Variants in ABLIM1 observed in about 807,000 individuals in gnomAD.
ABLIM1 encodes actin-binding LIM protein 1.
ABLIM1 carries 40 observed loss-of-function variants against 107.0 expected under a neutral mutation model. That is an observed-to-expected ratio of 0.37 (90% CI 0.29 to 0.49). The LOEUF (loss-of-function observed/expected upper bound fraction) is 0.49. ABLIM1 is among the 20% of genes least tolerant of loss of function. ABLIM1 has a pLI of 0.97. For synonymous variants in ABLIM1, 357 were observed against 357.3 expected (o/e 1.00, Z 0.01); for missense variants, 857 against 1,008.5 (o/e 0.85, Z 2.04).
chr10:114,498,585 T>C (rs1014269476), intron 6 of ABLIM1, among the ~76,000 whole-genome samples: 1 of 152,222 alleles, frequency 6.6e-6, no homozygotes, highest in African/African-American at 2.4e-5. Context: ...AGTGCTCTAC[T>C]TGTGGCATGA....
rs947604768 is a variant in ABLIM1 at position 114,549,146 on chromosome 10, A to G, written c.674-1370T>C. On this transcript the variant is annotated intron_variant, in intron 4 of 22. Transcript: ENST00000533213. Reference sequence around the variant, plus strand: ...ACACCTGTAATCCCAGAACTTTGGGAGGCCGAGGCGGATGGATCACCTGAG... The same window carrying G: ...ACACCTGTAATCCCAGAACTTTGGGGGGCCGAGGCGGATGGATCACCTGAG... Among the ~76,000 whole-genome samples the G allele has an allele frequency of 3.1e-4, 47 of 152,184 alleles. 1 individual carries two copies. The highest frequency in any genetic ancestry group is 1.1e-3 in the African/African-American group (46 of 41,452).
At chr10:114,485,187 T>C in intron 8 of ABLIM1, 1 of 755,246 alleles carries the variant, frequency 1.3e-6, no homozygotes, top group Non-Finnish European at 2.0e-6. Context: ...AAGCATCTGC[T>C]TTCTGCAGGA....
intron 1 of ABLIM1, among the ~76,000 whole-genome samples, chr10:114,653,506 T>C (rs1382548807): frequency 1.1e-4 from 17 of 152,168 alleles, no homozygotes; most frequent in Admixed American, 1.1e-3. Context: ...TTCTCACCAC[T>C]GCACTCCAGC....
intron 1 of ABLIM1, among the ~76,000 whole-genome samples, chr10:114,749,926 G>T (rs376293024): frequency 6.6e-6 from 1 of 151,890 alleles, no homozygotes; most frequent in Non-Finnish European, 1.5e-5. Flanking sequence ...CTCCATCCCC[G>T]ATCCCTGCTT....
At chr10:114,730,608 A>G (rs78982061) in intron 1 of ABLIM1, among the ~76,000 whole-genome samples, 8,340 of 152,196 alleles carry the variant, frequency 0.055, 373 homozygotes, top group African/African-American at 0.11. Flanking sequence ...GGTTTTATTC[A>G]TAAATCAATT....
intron 1 of ABLIM1, among the ~76,000 whole-genome samples, chr10:114,604,471 T>C (rs1186479606): frequency 6.6e-6 from 1 of 152,202 alleles, no homozygotes; most frequent in African/African-American, 2.4e-5. Flanking sequence ...ACCCAGGTGG[T>C]AACACTCAAG....
chr10:114,572,335 T>C (rs770301829), intron 3 of ABLIM1, among the ~76,000 whole-genome samples: 1 of 152,220 alleles, frequency 6.6e-6, no homozygotes, highest in South Asian at 2.1e-4. Flanking sequence ...CTTTTTGACA[T>C]TCATTTTTAC....
rs1236995782 is a variant in ABLIM1 at position 114,601,847 on chromosome 10, A to G, written c.359T>C (p.Ile120Thr). The G allele has an allele frequency of 6.2e-7, 1 of 1,614,128 alleles. No homozygotes were observed. The highest frequency in any genetic ancestry group is 1.1e-5 in the South Asian group (1 of 91,080). The change falls in exon 2 of 23, where the codon ATC becomes ACC. Residue 120 changes from isoleucine (I) to threonine (T), a missense_variant. Transcript: ENST00000533213. Reference protein sequence around the residue: ...VLRVQTKHFHIKCFTCKVCGC... With the variant: ...VLRVQTKHFHTKCFTCKVCGC... ...CATACCTTTGCAGGTGAAACACTTG[A>G]TGTGGAAATGTTTGGTCTGGACCCG...
chr10:114,441,108 T>A lies in ABLIM1; in HGVS notation c.1999-31A>T, dbSNP rs2060130992. 5 of 1,553,438 alleles carry A rather than the reference T, an allele frequency of 3.2e-6. No individual in the cohort carries two copies. In the East Asian group the frequency reaches 1.2e-4, roughly 37 times the overall value. ...ATGAGGAAAAACAATTATTAGGAAA[T>A]CTCCATAGTGATCGTTTTGGAGTCA... On this transcript the variant is annotated intron_variant, in intron 18 of 22. Coordinates refer to ENST00000533213, the MANE Select transcript of ABLIM1 (RefSeq NM_002313.7).
At chr10:114,731,040 C>G (rs901850143) in intron 1 of ABLIM1, among the ~76,000 whole-genome samples, 12 of 152,166 alleles carry the variant, frequency 7.9e-5, no homozygotes, top group African/African-American at 2.9e-4. Context: ...GGATACACCA[C>G]ATTTTGTTTA....
chr10:114,539,383 G>A (rs2066390079), intron 6 of ABLIM1, among the ~76,000 whole-genome samples: 1 of 152,096 alleles, frequency 6.6e-6, no homozygotes, highest in African/African-American at 2.4e-5. Flanking sequence ...CAAAAAAGAG[G>A]TATAGGAAGT....
chr10:114,467,736 C>T (rs888397031), intron 11 of ABLIM1, among the ~76,000 whole-genome samples: 8 of 152,120 alleles, frequency 5.3e-5, no homozygotes, highest in Non-Finnish European at 8.8e-5. Flanking sequence ...CAGAAAGTTG[C>T]TTGGTTTTAG....
chr10:114,755,969 T>A (rs1808444556), intron 1 of ABLIM1, among the ~76,000 whole-genome samples: 1 of 152,228 alleles, frequency 6.6e-6, no homozygotes, highest in Non-Finnish European at 1.5e-5. Context: ...CCCATGTTTT[T>A]TTCTAGGATT....
At chr10:114,778,060 A>G in the ABLIM1 span, 1 of 152,172 alleles carries the variant, frequency 6.6e-6, no homozygotes, top group African/African-American at 2.4e-5. Flanking sequence ...TCAAAATGAG[A>G]CTTCTTTCAT....
Position 114,629,590 on chromosome 10 carries a change from T to C in ABLIM1, c.245-27629A>G, listed in dbSNP as rs1220502124. On this transcript the variant is annotated intron_variant, in intron 1 of 22. Transcript: ENST00000533213. The surrounding 1 kb of genome is among the most constrained non-coding windows in gnomAD (Gnocchi z 4.0). ...AAGGCTCACCATCTTGTGACAGAGATAGCAGCTGTCAACACACTGGCAATT... is the reference window on the plus strand; with the variant it reads ...AAGGCTCACCATCTTGTGACAGAGACAGCAGCTGTCAACACACTGGCAATT... Among the ~76,000 whole-genome samples, 4 of 152,158 alleles carry C rather than the reference T, an allele frequency of 2.6e-5. No homozygotes were observed. In the East Asian group the frequency reaches 5.8e-4, roughly 22 times the overall value.
intron 1 of ABLIM1, among the ~76,000 whole-genome samples, chr10:114,649,283 C>G (rs1454098067): frequency 6.6e-6 from 1 of 151,724 alleles, no homozygotes; most frequent in Admixed American, 6.6e-5. Flanking sequence ...TGCCTGTAAT[C>G]CTAGCCACCC....
chr10:114,683,693 C>A (rs1171706048), intron 1 of ABLIM1, among the ~76,000 whole-genome samples: 1 of 152,168 alleles, frequency 6.6e-6, no homozygotes, highest in Non-Finnish European at 1.5e-5. Flanking sequence ...GGTCCAGTAT[C>A]AAAGGAATCA....
At chr10:114,564,908 A>G (rs2070437960) in intron 4 of ABLIM1, among the ~76,000 whole-genome samples, 2 of 152,214 alleles carry the variant, frequency 1.3e-5, no homozygotes, top group Admixed American at 1.3e-4. Flanking sequence ...AATGGCCAAC[A>G]CATATGTGCT....
chr10:114,684,129 T>G (rs935641015), intron 1 of ABLIM1, among the ~76,000 whole-genome samples: 3 of 152,212 alleles, frequency 2.0e-5, no homozygotes, highest in African/African-American at 7.2e-5. Flanking sequence ...TATACAGATA[T>G]GTACTATCAC....
Sources: allele counts gnomAD v4.1 joint callset (sites outside exome capture counted in the v4.1 genomes callset), GRCh38; gene constraint gnomAD v4.1.1; non-coding constraint Gnocchi (gnomAD v3.1); transcripts MANE v1.5; gene names NCBI Gene and HGNC (gene_info 2026-07-23, HGNC 2026-07-21).